DPAGT1: variants seen among roughly 807,000 people sequenced by gnomAD.
The protein encoded by DPAGT1 is UDP-N-acetylglucosamine--dolichyl-phosphate N-acetylglucosaminephosphotransferase.
Under a neutral mutation model 39.3 loss-of-function variants are expected in DPAGT1, and 25 were observed. The observed-to-expected ratio is 0.64, with a 90% CI of 0.46 to 0.89. DPAGT1 has a LOEUF of 0.89. DPAGT1 is among the 40% of genes least tolerant of loss of function. The pLI is 0.00. For missense variants in DPAGT1, 381 were observed against 500.6 expected, an observed-to-expected ratio of 0.76 and a Z score of 2.28; for synonymous variants, 193 against 201.4, an observed-to-expected ratio of 0.96 and a Z score of 0.36.
rs1044003554 is a variant in DPAGT1 at position 119,096,955 on chromosome 11, G to A, written c.*43C>T. The stretch of plus-strand genomic sequence containing the variant: ...CAGAGAGAGAGGTCAGCCTGAGTCA[G>A]GAATCCTAGAGACTGTGAGGTAAAG... On this transcript the variant is annotated 3_prime_UTR_variant, in exon 9 of 9. Transcript: ENST00000354202. 2 of 1,610,870 alleles carry A rather than the reference G, an allele frequency of 1.2e-6. No individual in the cohort carries two copies. The highest frequency in any genetic ancestry group is 1.7e-6 in the Non-Finnish European group (2 of 1,177,944).
At chr11:119,099,033 G>C (rs760038965) in intron 4 of DPAGT1, among the ~76,000 whole-genome samples, 5 of 152,222 alleles carry the variant, frequency 3.3e-5, no homozygotes, top group Non-Finnish European at 5.9e-5. Flanking sequence ...CTCAGTAAGA[G>C]GGTGTTAGGA....
Position 119,101,031 on chromosome 11 carries a change from A to T in DPAGT1, c.269T>A (p.Phe90Tyr). 1 of 1,614,198 alleles carries T rather than the reference A, an allele frequency of 6.2e-7. No homozygotes were observed. The highest frequency in any genetic ancestry group is 8.5e-7 in the Non-Finnish European group (1 of 1,180,054). ...GAACCCACTTACTTCATGGTGGGGG[A>T]ATGCCTTACACTGCTCCTTCACAAA... ...NCFVKEQCKAFPHHEFVALIG... is the reference protein window; with the variant it reads ...NCFVKEQCKAYPHHEFVALIG... Residue 90 changes from phenylalanine to tyrosine, a missense_variant, in exon 2 of 9, where the codon TTC becomes TAC. Physicochemically the swap from Phe to Tyr is conservative, Grantham distance 22 (BLOSUM62 3). Transcript: ENST00000354202.
At chr11:119,095,830 G>C (rs141007591), downstream of DPAGT1, among the ~76,000 whole-genome samples, 1 of 152,180 alleles carries the variant, frequency 6.6e-6, no homozygotes, top group Admixed American at 6.5e-5. Flanking sequence ...ATTTTTAAAG[G>C]AAAGGGGTCA....
chr11:119,095,238 C>T (rs1178227963), downstream of DPAGT1: 1 of 1,613,712 alleles, frequency 6.2e-7, no homozygotes, highest in African/African-American at 1.3e-5. Context: ...AGCACTGCCG[C>T]CAGGTACACT....
In DPAGT1 at chr11:119,097,081, C is replaced by T; in HGVS notation, c.1162-18G>A. 6.2e-7 allele frequency: 1 copy of T among 1,614,144 alleles called. No individual in the cohort carries two copies. The highest frequency in any genetic ancestry group is 8.5e-7 in the Non-Finnish European group (1 of 1,180,026). ...CCCAGGATCTGCAAGGAGAAATGGACTGGAGTAAGAATCACGCAGAAAGGG... is the reference window on the plus strand; with the variant it reads ...CCCAGGATCTGCAAGGAGAAATGGATTGGAGTAAGAATCACGCAGAAAGGG... On this transcript the variant is annotated intron_variant, in intron 8 of 8. Transcript: ENST00000354202. The surrounding 1 kb of genome is among the most constrained non-coding windows in gnomAD (Gnocchi z 4.6).
chr11:119,095,900 A>C (rs1368210297), downstream of DPAGT1, among the ~76,000 whole-genome samples: 1 of 152,002 alleles, frequency 6.6e-6, no homozygotes, highest in Non-Finnish European at 1.5e-5. Flanking sequence ...CCCTTCTCCT[A>C]CCTGACAAAG....
rs1442358846 is a variant in DPAGT1, at chr11:119,097,202, T to G, written c.1101A>C (p.Leu367=). The G allele has an allele frequency of 3.1e-6, 5 of 1,614,020 alleles. No individual in the cohort carries two copies. The highest frequency in any genetic ancestry group is 4.2e-6 in the Non-Finnish European group (5 of 1,180,030). ...CATGTATGGGCCCAAGGACTTTAAG[T>G]AGCAAGTTGATGAGGGTCATGTTGT... ...ECNNMTLINL[L]LKVLGPIHER... Residue 367 remains leucine (L), a synonymous_variant, in exon 8 of 9, where the codon CTA becomes CTC. Transcript: ENST00000354202. The surrounding 1 kb of genome is among the most constrained non-coding windows in gnomAD (Gnocchi z 4.6).
chr11:119,100,591 A>C (rs1394921238), intron 3 of DPAGT1, 39 bp downstream of exon 3: 1 of 1,612,376 alleles, frequency 6.2e-7, no homozygotes, highest in Admixed American at 1.7e-5. Flanking sequence ...GGTTCCCTGA[A>C]GTAGGTGCCA....
At chr11:119,095,077 T>C (rs767226826), downstream of DPAGT1, 1 of 1,613,836 alleles carries the variant, frequency 6.2e-7, no homozygotes, top group East Asian at 2.2e-5. Context: ...GCAGGACGCC[T>C]CCCTGGGCGA....
chr11:119,099,186 A>T (rs1946450058), intron 4 of DPAGT1, among the ~76,000 whole-genome samples: 1 of 152,204 alleles, frequency 6.6e-6, no homozygotes, highest in African/African-American at 2.4e-5. Context: ...GCACTTTGGG[A>T]GGCTGAAGCA....
chr11:119,099,780 CA>C (rs57486910), intron 4 of DPAGT1, among the ~76,000 whole-genome samples: 1,626 of 75,754 alleles, frequency 0.021, 12 homozygotes, highest in African/African-American at 0.071. Context: ...GACCCTGTCT[CA>C]AAAAAAAAAA....
downstream of DPAGT1, chr11:119,095,468 C>T (rs1592223984): frequency 1.2e-5 from 17 of 1,427,834 alleles, no homozygotes; most frequent in Non-Finnish European, 1.5e-5. Flanking sequence ...TAACTGCTGT[C>T]GCGCGCGCGC....
chr11:119,099,188 G>A (rs761618000), intron 4 of DPAGT1, among the ~76,000 whole-genome samples: 1 of 152,204 alleles, frequency 6.6e-6, no homozygotes, highest in Non-Finnish European at 1.5e-5. Flanking sequence ...ACTTTGGGAG[G>A]CTGAAGCAGG....
In DPAGT1 at chr11:119,096,791, G is replaced by A; in HGVS notation, c.*207C>T. On this transcript the variant is annotated 3_prime_UTR_variant, in exon 9 of 9. Coordinates refer to ENST00000354202, the MANE Select transcript of DPAGT1 (RefSeq NM_001382.4). ...GAGTAGCAAGTTGCAGAAAGCCATAGGTAAAATCCAATCAGTAGTCAGCAG... is the reference window on the plus strand; with the variant it reads ...GAGTAGCAAGTTGCAGAAAGCCATAAGTAAAATCCAATCAGTAGTCAGCAG... 6 of 642,922 alleles carry A rather than the reference G, an allele frequency of 9.3e-6. No individual in the cohort carries two copies. In the South Asian group the frequency reaches 1.1e-4, roughly 12 times the overall value. 39.8% of individuals were successfully genotyped at this position (642,922 alleles called of 1,614,324 possible).
At chr11:119,094,714 G>GGGCGGAC (rs1187010529), downstream of DPAGT1, 2 of 399,772 alleles carry the variant, frequency 5.0e-6, no homozygotes, top group South Asian at 6.1e-5. Flanking sequence ...CCCTACCGGA[G>GGGCGGAC]GGCGGACGGC....
downstream of DPAGT1, chr11:119,095,097 C>T (rs1410598610): frequency 1.7e-5 from 28 of 1,613,870 alleles, no homozygotes; most frequent in Non-Finnish European, 2.4e-5. Flanking sequence ...ATCGTCACGC[C>T]GCCCAGCAGC....
rs1420749886 is a variant in DPAGT1, at chr11:119,101,005, C to T, written c.282+13G>A. The T allele has an allele frequency of 3.1e-6, 5 of 1,614,102 alleles. No individual in the cohort carries two copies. The highest frequency in any genetic ancestry group is 4.2e-6 in the Non-Finnish European group (5 of 1,180,056). On this transcript the variant is annotated intron_variant, in intron 2 of 8. Transcript: ENST00000354202. ...TCCCAGCCACAGGCAATCACCCCCA[C>T]GAACCCACTTACTTCATGGTGGGGG...
At chr11:119,094,993 C>A, downstream of DPAGT1, 1 of 1,612,652 alleles carries the variant, frequency 6.2e-7, no homozygotes, top group Non-Finnish European at 8.5e-7. Context: ...GGGTGGCCTT[C>A]TTGCCGCCCG....
At chr11:119,100,913 T>C (rs1178140081) in intron 2 of DPAGT1, 70 bp from the exon 3 acceptor site, 2 of 1,613,846 alleles carry the variant, frequency 1.2e-6, no homozygotes, top group Non-Finnish European at 1.7e-6. Flanking sequence ...TTCCTGTCTT[T>C]TCTGATAATT....
Sources: gnomAD v4.1 joint callset for allele counts (sites outside exome capture counted in the v4.1 genomes callset) on GRCh38, gnomAD v4.1.1 for gene constraint, Gnocchi (gnomAD v3.1) non-coding constraint, MANE v1.5 for transcripts, NCBI Gene and HGNC (gene_info 2026-07-23, HGNC 2026-07-21) for gene names.